SMIM36: variants seen among roughly 807,000 people sequenced by gnomAD.
SMIM36 encodes small integral membrane protein 36.
chr17:55,508,839 C>G (rs573650603), intron 1 of SMIM36, among the ~76,000 whole-genome samples: 9 of 148,850 alleles, frequency 6.0e-5, no homozygotes, highest in African/African-American at 2.2e-4. Context: ...AGGAGCATTG[C>G]TTGAACCCGG....
intron 4 of SMIM36, among the ~76,000 whole-genome samples, chr17:55,465,911 G>T (rs1400822450): frequency 6.6e-6 from 1 of 152,128 alleles, no homozygotes. Flanking sequence ...CAGGATGGGT[G>T]CCCTTTCACC....
At chr17:55,523,971 A>C in the SMIM36 span, among the ~76,000 whole-genome samples, 1 of 152,034 alleles carries the variant, frequency 6.6e-6, no homozygotes, top group African/African-American at 2.4e-5. Context: ...GGTTTGTTAC[A>C]TAGGTGAACT....
intron 1 of SMIM36, among the ~76,000 whole-genome samples, chr17:55,508,928 C>CAAAAAAAAA (rs35834283): frequency 4.1e-5 from 4 of 97,030 alleles, no homozygotes; most frequent in Non-Finnish European, 4.2e-5. Flanking sequence ...TGTCTCAGAA[C>CAAAAAAAAA]AAAAAAAAAA....
upstream of SMIM36, among the ~76,000 whole-genome samples, chr17:55,513,734 C>T (rs1910221117): frequency 6.6e-6 from 1 of 152,158 alleles, no homozygotes; most frequent in Non-Finnish European, 1.5e-5. Context: ...AAAATTGACT[C>T]TGAAATGAGA....
At chr17:55,508,807 C>T (rs1369058151) in intron 1 of SMIM36, among the ~76,000 whole-genome samples, 1 of 151,322 alleles carries the variant, frequency 6.6e-6, no homozygotes, top group Non-Finnish European at 1.5e-5. Context: ...CCTGTAAGCC[C>T]AGCTATTTGG....
Position 55,478,233 on chromosome 17 carries a change from T to G in SMIM36, c.*347+529A>C, listed in dbSNP as rs146620225. Among the ~76,000 whole-genome samples, 167 of 151,562 alleles carry G rather than the reference T, an allele frequency of 1.1e-3. 4 individuals carry two copies. In the East Asian group the frequency reaches 0.02, roughly 18 times the overall value. On this transcript the variant is annotated intron_variant, in intron 3 of 4. Transcript: ENST00000636752. The stretch of plus-strand genomic sequence containing the variant: ...ACCTGTTGTTACGTTGTGGGGAGGT[T>G]ATTCCTTTTTTTTTTTTTCAGACAA...
chr17:55,521,550 G>T, the SMIM36 span, among the ~76,000 whole-genome samples: 1 of 152,210 alleles, frequency 6.6e-6, no homozygotes, highest in Non-Finnish European at 1.5e-5. Flanking sequence ...GGGTATAGAT[G>T]AATAAAGATG....
chr17:55,451,026 A>G (rs887259170), intron 4 of SMIM36, among the ~76,000 whole-genome samples: 1 of 152,158 alleles, frequency 6.6e-6, no homozygotes, highest in African/African-American at 2.4e-5. Context: ...AGCTGGAATT[A>G]CAGGCATGCG....
chr17:55,471,972 C>T (rs953102916), intron 3 of SMIM36, among the ~76,000 whole-genome samples: 3 of 152,190 alleles, frequency 2.0e-5, no homozygotes, highest in Non-Finnish European at 4.4e-5. Flanking sequence ...CCTCATCGCA[C>T]CTGTCATATT....
chr17:55,504,154 T>C (rs1056007013), intron 1 of SMIM36, among the ~76,000 whole-genome samples: 2 of 115,886 alleles, frequency 1.7e-5, no homozygotes, highest in Non-Finnish European at 3.4e-5. Context: ...CTGTCAACAT[T>C]AGACAGATCA....
intron 1 of SMIM36, among the ~76,000 whole-genome samples, chr17:55,493,466 AG>A (rs1405988176): frequency 2.6e-5 from 4 of 152,152 alleles, no homozygotes; most frequent in Non-Finnish European, 5.9e-5. Context: ...TATCAAGTCA[AG>A]GGTCGCACCT....
the SMIM36 span, among the ~76,000 whole-genome samples, chr17:55,518,821 A>C: frequency 2.0e-5 from 3 of 150,926 alleles, no homozygotes; most frequent in Admixed American, 2.0e-4. Context: ...GAGAGAGAAA[A>C]GGATAATATG....
upstream of SMIM36, among the ~76,000 whole-genome samples, chr17:55,512,332 A>G (rs1910195593): frequency 6.6e-6 from 1 of 152,222 alleles, no homozygotes; most frequent in Admixed American, 6.5e-5. Flanking sequence ...TGGGAGAGGT[A>G]GACAGGGGCC....
intron 1 of SMIM36, among the ~76,000 whole-genome samples, chr17:55,486,979 T>C (rs1011925917): frequency 1.3e-5 from 2 of 152,214 alleles, no homozygotes; most frequent in Admixed American, 6.5e-5. Context: ...GACCATGTGC[T>C]GGGCACTGAG....
chr17:55,469,773 T>C (rs1909308968), intron 3 of SMIM36, among the ~76,000 whole-genome samples: 1 of 151,706 alleles, frequency 6.6e-6, no homozygotes, highest in Non-Finnish European at 1.5e-5. Context: ...AGGTCAGGAG[T>C]TCGAGACAAG....
chr17:55,456,717 G>A (rs577907479), intron 4 of SMIM36, among the ~76,000 whole-genome samples: 11 of 152,298 alleles, frequency 7.2e-5, no homozygotes, highest in South Asian at 4.1e-4. Context: ...TAGTAGGAAG[G>A]TTCAATAAAT....
intron 1 of SMIM36, among the ~76,000 whole-genome samples, chr17:55,501,317 A>T (rs551100054): frequency 1.2e-5 from 1 of 80,788 alleles, no homozygotes; most frequent in African/African-American, 5.4e-5. Flanking sequence ...GTTATATATT[A>T]TATTTTATAA....
chr17:55,492,990 C>A (rs190799324), intron 1 of SMIM36, among the ~76,000 whole-genome samples: 3 of 152,174 alleles, frequency 2.0e-5, no homozygotes, highest in African/African-American at 7.2e-5. Context: ...GAATCACCAA[C>A]GCGGGGACAG....
At chr17:55,519,411 A>G in the SMIM36 span, among the ~76,000 whole-genome samples, 38 of 152,128 alleles carry the variant, frequency 2.5e-4, no homozygotes, top group African/African-American at 8.9e-4. Flanking sequence ...AGTGAGTGCA[A>G]TGGTGGTCCC....
Sources: gnomAD v4.1 joint callset for allele counts (sites outside exome capture counted in the v4.1 genomes callset) on GRCh38, gnomAD v4.1.1 for gene constraint, MANE v1.5 for transcripts, NCBI Gene and HGNC (gene_info 2026-07-23, HGNC 2026-07-21) for gene names.